RAB6A: variants seen among roughly 807,000 people sequenced by gnomAD.
RAB6A encodes ras-related protein Rab-6A.
Under a neutral mutation model 32.3 loss-of-function variants are expected in RAB6A, and 8 were observed. That is an observed-to-expected ratio of 0.25 (90% CI 0.15 to 0.45). The LOEUF (loss-of-function observed/expected upper bound fraction) is 0.45, where lower values mean the gene tolerates loss of function less well. Among genes scored for constraint, RAB6A ranks in the 20% least tolerant of loss-of-function variants. The pLI, the probability that RAB6A is intolerant of heterozygous loss-of-function variation, is 1.00. For synonymous variants in RAB6A, 73 were observed against 82.1 expected, an observed-to-expected ratio of 0.89 and a Z score of 0.60; for missense variants, 104 against 249.4, an observed-to-expected ratio of 0.42 and a Z score of 3.93.
At chr11:73,693,495 G>C (rs937210619) in intron 6 of RAB6A, among the ~76,000 whole-genome samples, 2 of 151,640 alleles carry the variant, frequency 1.3e-5, no homozygotes. Flanking sequence ...AGGCTGAGGC[G>C]GGTGGATCAC....
intron 4 of RAB6A, 77 bp downstream of exon 4, chr11:73,718,536 A>C: frequency 1.6e-6 from 2 of 1,222,330 alleles, no homozygotes; most frequent in Non-Finnish European, 2.3e-6. Context: ...AAGGAAAACA[A>C]GCACAAGACA....
intron 5 of RAB6A, among the ~76,000 whole-genome samples, chr11:73,709,472 A>ATTATTATTTTTTTTTTTTT (rs1555058158): frequency 2.0e-5 from 3 of 147,202 alleles, no homozygotes; most frequent in African/African-American, 7.4e-5. Context: ...TACTATTATT[A>ATTATTATTTTTTTTTTTTT]TTATGACTCG....
chr11:73,718,557 T>G (rs1463518085), intron 4 of RAB6A, 56 bp downstream of exon 4: 16 of 1,403,740 alleles, frequency 1.1e-5, no homozygotes, highest in Non-Finnish European at 1.5e-5. Flanking sequence ...AGAACATGCA[T>G]GCAGCTAAGC....
intron 2 of RAB6A, among the ~76,000 whole-genome samples, chr11:73,725,392 T>C (rs536302441): frequency 5.3e-5 from 8 of 152,320 alleles, no homozygotes; most frequent in South Asian, 2.1e-4. Context: ...GCATATGTGA[T>C]TGAACCAAAG....
In RAB6A at chr11:73,677,371, T is replaced by C. The variant is rs1945285337; in HGVS notation, c.*527A>G. The C allele has an allele frequency of 5.8e-6, 1 of 173,870 alleles. No homozygotes were observed. The allele number at this position is 173,870 out of a possible 1,614,324, so 10.8% of individuals were successfully genotyped here. ...ATCTTGGTCCGTAGCCTACAGCAAG[T>C]GGTATCTGTAAAATTAAAGGATAAT... is the stretch of plus-strand genomic sequence containing the variant. On this transcript the variant is annotated 3_prime_UTR_variant, in exon 8 of 8. Transcript: ENST00000336083.
chr11:73,706,403 A>G (rs546271237), intron 6 of RAB6A, among the ~76,000 whole-genome samples: 7 of 151,748 alleles, frequency 4.6e-5, no homozygotes, highest in Non-Finnish European at 8.8e-5. Flanking sequence ...AGTCCCAGCT[A>G]CTCGGGAGGC....
intron 1 of RAB6A, among the ~76,000 whole-genome samples, chr11:73,732,513 G>T (rs1042867115): frequency 2.6e-5 from 4 of 152,210 alleles, no homozygotes; most frequent in Non-Finnish European, 5.9e-5. Context: ...GTGAACCCGG[G>T]AGGCAGAGCT....
chr11:73,736,824 A>AAAAAAAAAAAAAAAAAC (rs1555066487), intron 1 of RAB6A, among the ~76,000 whole-genome samples: 10 of 144,700 alleles, frequency 6.9e-5, no homozygotes, highest in African/African-American at 1.0e-4. Context: ...AAAAAAAAAA[A>AAAAAAAAAAAAAAAAAC]AACAATTAGC....
At position 73,699,704 on chromosome 11, in the gene RAB6A, A is replaced by T. The variant is rs570234767; in HGVS notation, c.495+7716T>A. ...TCCCAACAATATCATAAGTTTCTTG[A>T]AGTTAGGAACCACATTTTACATAAC... is the stretch of plus-strand genomic sequence containing the variant. On this transcript the variant is annotated intron_variant, in intron 6 of 7. Coordinates refer to ENST00000336083, the MANE Select transcript of RAB6A (RefSeq NM_198896.2). 3.3e-5 allele frequency among the ~76,000 whole-genome samples: 5 copies of T among 152,312 alleles called. No individual in the cohort carries two copies. In the Middle Eastern group the frequency reaches 0.017, roughly 518 times the overall value.
At chr11:73,725,049 G>A (rs1946195542) in intron 2 of RAB6A, among the ~76,000 whole-genome samples, 1 of 152,168 alleles carries the variant, frequency 6.6e-6, no homozygotes. Context: ...GCTTTTGATA[G>A]GAGGAGGGCA....
At chr11:73,748,472 AC>A (rs1185864855) in intron 1 of RAB6A, among the ~76,000 whole-genome samples, 16 of 152,196 alleles carry the variant, frequency 1.1e-4, no homozygotes, top group Non-Finnish European at 5.9e-5. Flanking sequence ...TGGCTGCACC[AC>A]TGGAATCCAG....
chr11:73,704,629 G>A (rs1449723319), intron 6 of RAB6A, among the ~76,000 whole-genome samples: 2 of 152,062 alleles, frequency 1.3e-5, no homozygotes, highest in South Asian at 4.2e-4. Flanking sequence ...AGGTTGCAGT[G>A]AGCTGAGATC....
At chr11:73,713,527 C>G (rs954268415) in intron 5 of RAB6A, among the ~76,000 whole-genome samples, 1 of 150,408 alleles carries the variant, frequency 6.6e-6, no homozygotes, top group Non-Finnish European at 1.5e-5. Flanking sequence ...AAGATTGCGC[C>G]ACTGCACTCC....
At chr11:73,711,163 C>T (rs67167213) in intron 5 of RAB6A, among the ~76,000 whole-genome samples, 15,723 of 152,086 alleles carry the variant, frequency 0.1, 893 homozygotes, top group South Asian at 0.27. Flanking sequence ...ACATACAGCA[C>T]GGTGGTATGA....
chr11:73,743,528 C>T lies in RAB6A; in HGVS notation c.71-12705G>A, dbSNP rs142318681. Among the ~76,000 whole-genome samples, 187 of 152,040 alleles carry T rather than the reference C, an allele frequency of 1.2e-3. 1 individual carries two copies. Among genetic ancestry groups the T allele is most frequent in the African/African-American group, 4.3e-3 (180 of 41,480 alleles). On this transcript the variant is annotated intron_variant, in intron 1 of 7. Transcript: ENST00000336083. The stretch of plus-strand genomic sequence containing the variant: ...TGTAGTCCCAACTACTCAAGAGTAT[C>T]AGGTGGGAGGATCACTTGAGCCCAG...
intron 5 of RAB6A, among the ~76,000 whole-genome samples, chr11:73,709,444 T>TATTATTATTATTATTATG (rs1279115297): frequency 7.1e-6 from 1 of 140,068 alleles, no homozygotes; most frequent in Non-Finnish European, 1.5e-5. Context: ...AGTATATTAT[T>TATTATTATTATTATTATG]ATTATTATTA....
chr11:73,731,717 TATATATATATATATACACACAC>T (rs1946312074), intron 1 of RAB6A, among the ~76,000 whole-genome samples: 1 of 15,138 alleles, frequency 6.6e-5, no homozygotes, highest in African/African-American at 1.6e-4. Flanking sequence ...TATATATATA[TATATATATATATATACACACAC>T]ACACACATAT....
intron 6 of RAB6A, among the ~76,000 whole-genome samples, chr11:73,705,360 C>T (rs2134915498): frequency 6.6e-6 from 1 of 152,216 alleles, no homozygotes; most frequent in South Asian, 2.1e-4. Context: ...CAAGCCTGGC[C>T]AACAAGGTGA....
intron 2 of RAB6A, chr11:73,722,343 A>ATTTTTT (rs537309131): frequency 3.3e-4 from 5 of 15,368 alleles, no homozygotes; most frequent in African/African-American, 1.3e-3. Context: ...ATATATATAT[A>ATTTTTT]TTTTTTTTTT....
Sources: gnomAD v4.1 joint callset for allele counts (sites outside exome capture counted in the v4.1 genomes callset) on GRCh38, gnomAD v4.1.1 for gene constraint, MANE v1.5 for transcripts, NCBI Gene and HGNC (gene_info 2026-07-23, HGNC 2026-07-21) for gene names.